Variants in TTC28 observed in about 807,000 individuals in gnomAD.
TTC28 encodes the protein tetratricopeptide repeat domain 28, also known as tetratricopeptide repeat protein 28.
Under a neutral mutation model 198.0 loss-of-function variants are expected in TTC28, and 61 were observed. The observed-to-expected ratio is 0.31, with a 90% CI of 0.25 to 0.38. The LOEUF is 0.38. Among genes scored for constraint, TTC28 ranks in the 10% least tolerant of loss-of-function variants. The probability of loss-of-function intolerance (pLI) is 1.00; values close to 1 mark genes in which losing one functional copy is unlikely to be tolerated. For synonymous variants in TTC28, 1,171 were observed against 1,297.8 expected, an observed-to-expected ratio of 0.90 and a Z score of 2.10; for missense variants, 2,678 against 3,164.0, an observed-to-expected ratio of 0.85 and a Z score of 3.69.
intron 2 of TTC28, among the ~76,000 whole-genome samples, chr22:28,615,726 A>G (rs1017996303): frequency 2.1e-5 from 3 of 144,010 alleles, no homozygotes; most frequent in Non-Finnish European, 4.6e-5. Context: ...GTTTGCACTC[A>G]TAAGTGGGTG....
intron 2 of TTC28, among the ~76,000 whole-genome samples, chr22:28,380,557 T>C (rs1401008913): frequency 6.6e-6 from 1 of 152,154 alleles, no homozygotes; most frequent in East Asian, 1.9e-4. Flanking sequence ...CAAAATCCAG[T>C]CTCTTATAAT....
chr22:28,272,890 T>C (rs886163670), intron 5 of TTC28, among the ~76,000 whole-genome samples: 13 of 152,178 alleles, frequency 8.5e-5, no homozygotes, highest in Non-Finnish European at 1.9e-4. Context: ...AAGACACTAT[T>C]TTATAAGTAG....
At chr22:28,367,067 T>A (rs1390855923) in intron 2 of TTC28, among the ~76,000 whole-genome samples, 1 of 152,048 alleles carries the variant, frequency 6.6e-6, no homozygotes, top group Non-Finnish European at 1.5e-5. Flanking sequence ...TTGGACCTAA[T>A]CTGCCCTATA....
chr22:28,028,960 G>T, intron 13 of TTC28: 1 of 470,942 alleles, frequency 2.1e-6, no homozygotes. Flanking sequence ...GGCAAGGCCA[G>T]AGGCTGCACT....
intron 1 of TTC28, among the ~76,000 whole-genome samples, chr22:28,660,250 C>G (rs1423086178): frequency 6.6e-6 from 1 of 152,220 alleles, no homozygotes; most frequent in Non-Finnish European, 1.5e-5. Context: ...AAAATTGATT[C>G]TTCCTCATCA....
At chr22:28,060,382 C>T (rs555378255) in intron 12 of TTC28, among the ~76,000 whole-genome samples, 4 of 152,216 alleles carry the variant, frequency 2.6e-5, no homozygotes, top group South Asian at 2.1e-4. Context: ...TTGCTCAGAA[C>T]GATGGTTTCC....
chr22:28,138,944 T>G (rs758565420), intron 6 of TTC28, among the ~76,000 whole-genome samples: 5 of 152,110 alleles, frequency 3.3e-5, no homozygotes, highest in African/African-American at 4.8e-5. Context: ...ATACAGATAC[T>G]TAAAAAGACA....
At chr22:28,178,953 C>A (rs1923439537) in intron 5 of TTC28, among the ~76,000 whole-genome samples, 1 of 152,142 alleles carries the variant, frequency 6.6e-6, no homozygotes, top group South Asian at 2.1e-4. Flanking sequence ...GATGAATTTG[C>A]AATCCCCACA....
chr22:28,186,100 C>T (rs572863797), intron 5 of TTC28, among the ~76,000 whole-genome samples: 12 of 152,148 alleles, frequency 7.9e-5, no homozygotes, highest in African/African-American at 2.9e-4. Flanking sequence ...ATTGTCAAAT[C>T]CTATCACAAA....
At chr22:28,076,533 G>A (rs187452555) in intron 12 of TTC28, among the ~76,000 whole-genome samples, 17 of 152,236 alleles carry the variant, frequency 1.1e-4, no homozygotes, top group Admixed American at 1.0e-3. Flanking sequence ...TCTTTGGATT[G>A]TGACACTCTT....
At chr22:28,254,728 CAAAGCGTCAAGTATGAGACCCA>C (rs777005646) in intron 5 of TTC28, among the ~76,000 whole-genome samples, 50 of 152,192 alleles carry the variant, frequency 3.3e-4, no homozygotes, top group South Asian at 8.3e-4. Flanking sequence ...AACTCAATAC[CAAAGCGTCAAGTATGAGACCCA>C]AAAGAGTAGT....
intron 2 of TTC28, among the ~76,000 whole-genome samples, chr22:28,608,452 T>A (rs779329527): frequency 7.9e-5 from 12 of 152,234 alleles, no homozygotes; most frequent in Non-Finnish European, 1.3e-4. Context: ...CAGTGGCAAC[T>A]GCTTAACATC....
At chr22:28,322,647 C>T (rs75182585) in intron 2 of TTC28, among the ~76,000 whole-genome samples, 99 of 152,292 alleles carry the variant, frequency 6.5e-4, no homozygotes, top group African/African-American at 2.3e-3. Context: ...CCTATTCTGG[C>T]ACTGAAAATA....
At chr22:28,422,386 A>G (rs2047269969) in intron 2 of TTC28, among the ~76,000 whole-genome samples, 1 of 152,158 alleles carries the variant, frequency 6.6e-6, no homozygotes, top group Non-Finnish European at 1.5e-5. Context: ...TAAAACTTCA[A>G]GTACCTCTAA....
chr22:28,268,199 C>T (rs899268808), intron 5 of TTC28, among the ~76,000 whole-genome samples: 3 of 152,136 alleles, frequency 2.0e-5, no homozygotes, highest in African/African-American at 7.2e-5. Context: ...AAGGTTTCTA[C>T]TTGAATGGCT....
chr22:28,222,431 T>C (rs1398848152), intron 5 of TTC28, among the ~76,000 whole-genome samples: 1 of 152,228 alleles, frequency 6.6e-6, no homozygotes, highest in African/African-American at 2.4e-5. Context: ...AAACATGTCT[T>C]GGCACTTGGT....
chr22:28,600,384 A>C (rs1310114828), intron 2 of TTC28, among the ~76,000 whole-genome samples: 1 of 152,216 alleles, frequency 6.6e-6, no homozygotes, highest in East Asian at 1.9e-4. Flanking sequence ...TAGCCCGGGC[A>C]ACAAAGCAAG....
At chr22:28,440,632 T>C (rs745901870) in intron 2 of TTC28, among the ~76,000 whole-genome samples, 2 of 152,188 alleles carry the variant, frequency 1.3e-5, no homozygotes, top group South Asian at 2.1e-4. Flanking sequence ...TTTGTTAAAA[T>C]CACATCAATG....
intron 12 of TTC28, among the ~76,000 whole-genome samples, chr22:28,079,717 A>T (rs910363192): frequency 6.6e-6 from 1 of 152,080 alleles, no homozygotes; most frequent in Non-Finnish European, 1.5e-5. Context: ...GTAGCATGTG[A>T]CAGGATTTTC....
Sources: allele counts gnomAD v4.1 joint callset (sites outside exome capture counted in the v4.1 genomes callset), GRCh38; gene constraint gnomAD v4.1.1; transcripts MANE v1.5; gene names NCBI Gene and HGNC (gene_info 2026-07-23, HGNC 2026-07-21).